The following TENT4B variants were observed in gnomAD, a reference collection of about 807,000 sequenced individuals.
TENT4B encodes PAP associated domain containing 5.
In TENT4B, 10 loss-of-function variants were observed where a neutral mutation model predicts 75.0. The ratio of observed to expected loss-of-function variants is 0.13; its 90% CI spans 0.08 to 0.23. TENT4B has a LOEUF of 0.23. TENT4B is among the 10% of genes least tolerant of loss of function. The pLI is 1.00. For missense variants in TENT4B, 579 were observed against 893.8 expected, an observed-to-expected ratio of 0.65 and a Z score of 4.49; for synonymous variants, 350 against 357.7, an observed-to-expected ratio of 0.98 and a Z score of 0.24.
chr16:50,225,455 A>C (rs1237484365), intron 10 of TENT4B, among the ~76,000 whole-genome samples, 170 bp downstream of exon 10: 2 of 152,246 alleles, frequency 1.3e-5, no homozygotes, highest in Non-Finnish European at 2.9e-5. Context: ...GAAAAAGTTC[A>C]AGCATATAGT....
chr16:50,176,617 C>T (rs1804859541), intron 1 of TENT4B, among the ~76,000 whole-genome samples: 1 of 141,130 alleles, frequency 7.1e-6, no homozygotes, highest in South Asian at 2.3e-4. Context: ...AGTAATTCTC[C>T]TGCCTCAGCC....
intron 1 of TENT4B, among the ~76,000 whole-genome samples, chr16:50,158,153 C>T (rs191727908): frequency 6.6e-6 from 1 of 152,090 alleles, no homozygotes; most frequent in Admixed American, 6.5e-5. Context: ...GTGGCACAAT[C>T]TTGGCCCACT....
At chr16:50,167,002 C>G (rs1001062034) in intron 1 of TENT4B, among the ~76,000 whole-genome samples, 2 of 152,070 alleles carry the variant, frequency 1.3e-5, no homozygotes, top group Non-Finnish European at 2.9e-5. Context: ...TAGTTCACTG[C>G]CATTTTGCCC....
At chr16:50,179,134 G>A (rs1311715409) in intron 1 of TENT4B, among the ~76,000 whole-genome samples, 1 of 152,072 alleles carries the variant, frequency 6.6e-6, no homozygotes, top group South Asian at 2.1e-4. Context: ...AGACCGAGGC[G>A]GGTGGATCAC....
At position 50,222,696 on chromosome 16, in the gene TENT4B, A is replaced by G. The variant is rs192021841; in HGVS notation, c.1167+262A>G. Among the ~76,000 whole-genome samples the G allele has an allele frequency of 9.9e-3, 1,505 of 152,354 alleles. 82 individuals carry two copies. Among genetic ancestry groups the G allele is most frequent in the Admixed American group, 0.088 (1,345 of 15,300 alleles). ...TTTTCACTGCAAATTTTAACATGCA[A>G]AATGTACGGCCTGGTTTCCATAAGC... On this transcript the variant is annotated intron_variant, in intron 6 of 11. Transcript: ENST00000561678.
chr16:50,154,828 T>C (rs1412086488), intron 1 of TENT4B, among the ~76,000 whole-genome samples: 3 of 152,172 alleles, frequency 2.0e-5, no homozygotes, highest in Non-Finnish European at 4.4e-5. Flanking sequence ...CATTGCCTGC[T>C]CTTGACCCTT....
chr16:50,182,800 G>A (rs550543779), intron 1 of TENT4B, among the ~76,000 whole-genome samples: 146 of 143,630 alleles, frequency 1.0e-3, no homozygotes, highest in African/African-American at 3.2e-3. Flanking sequence ...TGAGATTCAT[G>A]TATGTTGCCA....
At chr16:50,179,351 A>C (rs2038368356) in intron 1 of TENT4B, among the ~76,000 whole-genome samples, 1 of 152,158 alleles carries the variant, frequency 6.6e-6, no homozygotes, top group Non-Finnish European at 1.5e-5. Flanking sequence ...AACAAAGCGC[A>C]ACTCCGTCTC....
At chr16:50,189,346 T>G (rs1393906960) in intron 1 of TENT4B, among the ~76,000 whole-genome samples, 1 of 152,234 alleles carries the variant, frequency 6.6e-6, no homozygotes, top group Non-Finnish European at 1.5e-5. Context: ...AGTTTGATTT[T>G]AAAATATTGC....
chr16:50,213,308 C>T (rs1446018222), intron 2 of TENT4B, among the ~76,000 whole-genome samples: 1 of 152,226 alleles, frequency 6.6e-6, no homozygotes, highest in Non-Finnish European at 1.5e-5. Context: ...ACCCACCTGC[C>T]TTGGCCTCCC....
At chr16:50,209,515 G>C (rs1449671016) in intron 1 of TENT4B, among the ~76,000 whole-genome samples, 1 of 152,146 alleles carries the variant, frequency 6.6e-6, no homozygotes, top group Non-Finnish European at 1.5e-5. Context: ...GTCCCCACTG[G>C]GATATCTTCT....
At chr16:50,167,948 C>T (rs538734700) in intron 1 of TENT4B, among the ~76,000 whole-genome samples, 37 of 151,998 alleles carry the variant, frequency 2.4e-4, no homozygotes, top group African/African-American at 3.4e-4. Flanking sequence ...TGAGCCACCA[C>T]GCCCAGCCTG....
intron 1 of TENT4B, among the ~76,000 whole-genome samples, chr16:50,160,373 G>T (rs757747802): frequency 6.6e-6 from 1 of 151,992 alleles, no homozygotes; most frequent in Admixed American, 6.6e-5. Flanking sequence ...CAAAGGAAAC[G>T]GTGAGTGACT....
In TENT4B at chr16:50,227,709, G is replaced by T. The variant is rs148104327; in HGVS notation, c.1801-130G>T. 24 of 960,310 alleles carry T rather than the reference G, an allele frequency of 2.5e-5. No homozygotes were observed. In the African/African-American group the frequency reaches 3.5e-4, roughly 14 times the overall value. 59.5% of individuals were successfully genotyped at this position (960,310 alleles called of 1,614,324 possible). ...TTTAAACAAACAGTTAATTTTTTGT[G>T]TGCTTCTTTTAACTCCCAAATGTTT... On this transcript the variant is annotated intron_variant, in intron 10 of 11. Coordinates refer to ENST00000561678, the MANE Select transcript of TENT4B (RefSeq NM_001365324.3).
At chr16:50,178,664 C>T (rs1381554212) in intron 1 of TENT4B, among the ~76,000 whole-genome samples, 2 of 152,016 alleles carry the variant, frequency 1.3e-5, no homozygotes, top group South Asian at 2.1e-4. Context: ...CATGGATGAA[C>T]GTTCAGATCA....
rs373743797 is a variant in TENT4B, at chr16:50,227,900, A to G, written c.1862A>G (p.Asn621Ser). ...KQLLCRPSTG[N>S]RVGSQDVSLE... Reference sequence around the variant, plus strand: ...CTGCTTTGCCGTCCGTCCACTGGGAACCGAGTAGGGTCGCAAGATGTATCC... The same window carrying G: ...CTGCTTTGCCGTCCGTCCACTGGGAGCCGAGTAGGGTCGCAAGATGTATCC... Residue 621 changes from asparagine to serine, a missense_variant, in exon 11 of 12, where the codon AAC becomes AGC. Around this residue, in one of 7 missense-constraint regions of TENT4B, gnomAD observed 164 missense variants for 226.5 expected, o/e 0.72. Transcript: ENST00000561678. 3.1e-5 allele frequency: 50 copies of G among 1,614,016 alleles called. No individual in the cohort carries two copies. The Middle Eastern group carries it at 4.9e-4, about 16-fold the overall frequency.
At chr16:50,199,437 A>G (rs1031643664) in intron 1 of TENT4B, among the ~76,000 whole-genome samples, 22 of 152,230 alleles carry the variant, frequency 1.4e-4, no homozygotes, top group African/African-American at 5.3e-4. Context: ...CTGGAGCAGC[A>G]TTTACTCAGT....
At chr16:50,192,750 C>A (rs2029933566) in intron 1 of TENT4B, among the ~76,000 whole-genome samples, 3 of 130,484 alleles carry the variant, frequency 2.3e-5, no homozygotes, top group Admixed American at 8.2e-5. Flanking sequence ...TTTCATGTGT[C>A]TCCTGTATAA....
At chr16:50,188,789 G>A (rs185309614) in intron 1 of TENT4B, among the ~76,000 whole-genome samples, 41 of 152,262 alleles carry the variant, frequency 2.7e-4, no homozygotes, top group Middle Eastern at 3.4e-3. Context: ...GACTTTGAGG[G>A]CTGTAGTGAG....
Sources: gnomAD v4.1 joint callset for allele counts (sites outside exome capture counted in the v4.1 genomes callset) on GRCh38, gnomAD v4.1.1 for gene constraint, gnomAD v4.1.1 regional missense constraint, MANE v1.5 for transcripts, NCBI Gene and HGNC (gene_info 2026-07-23, HGNC 2026-07-21) for gene names.